The following LMNB1 variants were observed in gnomAD, a reference collection of about 807,000 sequenced individuals.
LMNB1 encodes the protein lamin-B1.
Under a neutral mutation model 67.1 loss-of-function variants are expected in LMNB1, and 23 were observed. That is an observed-to-expected ratio of 0.34 (90% CI 0.25 to 0.49). The LOEUF is 0.49. LMNB1 is among the 20% of genes least tolerant of loss of function. LMNB1 has a pLI of 0.99. For synonymous variants in LMNB1, 281 were observed against 282.9 expected (o/e 0.99, Z 0.07); for missense variants, 634 against 746.5 (o/e 0.85, Z 1.76).
At chr5:126,788,782 A>T (rs1282498082) in intron 1 of LMNB1, among the ~76,000 whole-genome samples, 1 of 152,182 alleles carries the variant, frequency 6.6e-6, no homozygotes, top group Non-Finnish European at 1.5e-5. Context: ...GCCTTTGGTT[A>T]ATAGAGGAAA....
chr5:126,796,634 T>C (rs1233382020), intron 1 of LMNB1, among the ~76,000 whole-genome samples: 1 of 152,220 alleles, frequency 6.6e-6, no homozygotes, highest in Non-Finnish European at 1.5e-5. Flanking sequence ...AGGATAGGCA[T>C]GTGTCCCAGA....
intron 10 of LMNB1, among the ~76,000 whole-genome samples, chr5:126,835,310 T>C (rs1752225513): frequency 6.6e-6 from 1 of 152,226 alleles, no homozygotes; most frequent in South Asian, 2.1e-4. Flanking sequence ...GCCTTTTGAA[T>C]TGATTAGAAA....
At chr5:126,796,675 C>T (rs773436505) in intron 1 of LMNB1, among the ~76,000 whole-genome samples, 56 of 151,996 alleles carry the variant, frequency 3.7e-4, no homozygotes, top group Non-Finnish European at 6.6e-4. Context: ...TGGGAAAGTA[C>T]AACCATAGTA....
chr5:126,782,725 T>A (rs1236949956), intron 1 of LMNB1, among the ~76,000 whole-genome samples: 1 of 151,822 alleles, frequency 6.6e-6, no homozygotes, highest in Non-Finnish European at 1.5e-5. Flanking sequence ...AATTTTTATA[T>A]TTTTAGTAGA....
At position 126,828,460 on chromosome 5, in the gene LMNB1, CAGTATTACT is replaced by C. The variant is rs1752050015; in HGVS notation, c.1611+2363_1611+2371del. Among the ~76,000 whole-genome samples, 5 of 152,088 alleles carry C rather than the reference CAGTATTACT, an allele frequency of 3.3e-5. No individual in the cohort carries two copies. In the South Asian group the frequency reaches 8.3e-4, roughly 25 times the overall value. On this transcript the variant is annotated intron_variant, in intron 9 of 10. Coordinates refer to ENST00000261366, the MANE Select transcript of LMNB1 (RefSeq NM_005573.4). ...TTATGACATGGGATGCATCTTCAGA[CAGTATTACT>C]AGTATTACTGATGACATATTAGTAA... is the stretch of plus-strand genomic sequence containing the variant.
intron 1 of LMNB1, among the ~76,000 whole-genome samples, chr5:126,796,245 A>G (rs146492694): frequency 1.1e-4 from 17 of 151,814 alleles, no homozygotes; most frequent in Non-Finnish European, 2.1e-4. Context: ...GCATTTTTTA[A>G]TCTCCTTTTT....
intron 1 of LMNB1, among the ~76,000 whole-genome samples, chr5:126,800,982 A>ATATAATTTTTTTTTTTTT: frequency 5.4e-5 from 1 of 18,628 alleles, no homozygotes; most frequent in Non-Finnish European, 1.0e-4. Flanking sequence ...TATATATATA[A>ATATAATTTTTTTTTTTTT]TTTTTTTTTT....
intron 1 of LMNB1, among the ~76,000 whole-genome samples, chr5:126,782,383 A>T (rs1349906224): frequency 6.6e-6 from 1 of 152,086 alleles, no homozygotes; most frequent in Non-Finnish European, 1.5e-5. Context: ...TAGAGTTAGC[A>T]CTCTATCATG....
At position 126,783,264 on chromosome 5, in the gene LMNB1, A is replaced by G. The variant is rs146184898; in HGVS notation, c.359+5397A>G. On this transcript the variant is annotated intron_variant, in intron 1 of 10. Transcript: ENST00000261366. Reference sequence around the variant, plus strand: ...AACCTTCATCATCCTGTGTATTACTATATCTTTTTTTAATGTACTGATTTT... The same window carrying G: ...AACCTTCATCATCCTGTGTATTACTGTATCTTTTTTTAATGTACTGATTTT... Among the ~76,000 whole-genome samples the G allele has an allele frequency of 3.7e-3, 559 of 152,110 alleles. 3 individuals carry two copies. The highest frequency in any genetic ancestry group is 0.012 in the African/African-American group (510 of 41,530).
At chr5:126,835,890 C>A (rs1194898385) in intron 10 of LMNB1, among the ~76,000 whole-genome samples, 1 of 152,112 alleles carries the variant, frequency 6.6e-6, no homozygotes, top group African/African-American at 2.4e-5. Context: ...GAGTTCAAGA[C>A]CAGCCTGGCT....
chr5:126,805,014 G>T (rs1181829987), intron 2 of LMNB1, 82 bp downstream of exon 2: 3 of 1,178,102 alleles, frequency 2.5e-6, no homozygotes, highest in South Asian at 1.6e-5. Context: ...TTGATTGATT[G>T]ATTTTCAAAT....
At chr5:126,782,269 A>T (rs6595736) in intron 1 of LMNB1, among the ~76,000 whole-genome samples, 1 of 152,094 alleles carries the variant, frequency 6.6e-6, no homozygotes, top group Admixed American at 6.6e-5. Flanking sequence ...CCTGGGGGCC[A>T]GATGTGCTTT....
intron 8 of LMNB1, among the ~76,000 whole-genome samples, chr5:126,824,722 C>T (rs937504503): frequency 7.2e-5 from 11 of 152,248 alleles, no homozygotes; most frequent in Admixed American, 2.0e-4. Flanking sequence ...CAGTTAATAT[C>T]TTGTGCCCTT....
Position 126,817,082 on chromosome 5 carries a change from T to G in LMNB1, c.940-1840T>G, listed in dbSNP as rs563250213. On this transcript the variant is annotated intron_variant, in intron 5 of 10. Coordinates refer to ENST00000261366, the MANE Select transcript of LMNB1 (RefSeq NM_005573.4). The stretch of plus-strand genomic sequence containing the variant: ...TTATCCATTCCCCGTTTGTTTGGTT[T>G]GTTTGTTTGTTTGTTTGTGTCCGTA... Among the ~76,000 whole-genome samples the G allele has an allele frequency of 3.9e-5, 6 of 152,016 alleles. No homozygotes were observed. In the South Asian group the frequency reaches 8.3e-4, roughly 21 times the overall value.
chr5:126,801,002 G>GTTTTTTTTTTTT (rs1163019942), intron 1 of LMNB1, among the ~76,000 whole-genome samples: 1 of 21,446 alleles, frequency 4.7e-5, no homozygotes, highest in African/African-American at 1.3e-4. Flanking sequence ...TTTTTTTTTG[G>GTTTTTTTTTTTT]TGGTAGGGTC....
At chr5:126,835,840 A>C (rs1752235712) in intron 10 of LMNB1, among the ~76,000 whole-genome samples, 1 of 152,198 alleles carries the variant, frequency 6.6e-6, no homozygotes, top group African/African-American at 2.4e-5. Context: ...TAATCCCAGC[A>C]CTTTGGGAGG....
chr5:126,807,870 G>GT (rs1269007781), intron 3 of LMNB1, among the ~76,000 whole-genome samples: 12 of 151,740 alleles, frequency 7.9e-5, no homozygotes, highest in East Asian at 5.8e-4. Flanking sequence ...TTTTGTTTTT[G>GT]TTTTTTTTAA....
intron 1 of LMNB1, among the ~76,000 whole-genome samples, chr5:126,803,416 T>C (rs1751337078): frequency 6.6e-6 from 1 of 151,250 alleles, no homozygotes; most frequent in African/African-American, 2.4e-5. Context: ...TGGATAATTT[T>C]TTTGTATTTT....
intron 5 of LMNB1, among the ~76,000 whole-genome samples, chr5:126,813,914 A>G (rs1000992674): frequency 2.0e-5 from 3 of 151,846 alleles, no homozygotes; most frequent in Admixed American, 1.3e-4. Context: ...TTTTCTTCTG[A>G]GACAGAATTT....
Sources: allele counts gnomAD v4.1 joint callset (sites outside exome capture counted in the v4.1 genomes callset), GRCh38; gene constraint gnomAD v4.1.1; transcripts MANE v1.5; gene names NCBI Gene and HGNC (gene_info 2026-07-23, HGNC 2026-07-21).